ZNF404: variants seen among roughly 807,000 people sequenced by gnomAD.
ZNF404 encodes zinc finger protein 404.
ZNF404 carries 7 observed loss-of-function variants against 7.3 expected under a neutral mutation model. That is an observed-to-expected ratio of 0.95 (90% CI 0.54 to 1.79). The LOEUF (loss-of-function observed/expected upper bound fraction) is 1.79. Ranked by LOEUF, ZNF404 falls within the 40% of genes most tolerant of loss-of-function variation. The pLI, the probability that ZNF404 is intolerant of heterozygous loss-of-function variation, is 0.00. For missense variants in ZNF404, 560 were observed against 661.5 expected (o/e 0.85, Z 1.68); for synonymous variants, 191 against 209.9 (o/e 0.91, Z 0.78).
At chr19:43,879,098 T>C (rs1411508108) in intron 2 of ZNF404, among the ~76,000 whole-genome samples, 2 of 151,868 alleles carry the variant, frequency 1.3e-5, no homozygotes, top group African/African-American at 4.8e-5. Context: ...ATAAAAGAAT[T>C]AAAAAATTAA....
At position 43,872,961 on chromosome 19, in the gene ZNF404, T is replaced by C; in HGVS notation, c.1253A>G (p.Lys418Arg). ...LKPYECKQCGKAFSRVGDLKT... is the reference protein window; with the variant it reads ...LKPYECKQCGRAFSRVGDLKT... Reference sequence around the variant, plus strand: ...AAGGTCTCCAACACGACTGAAGGCTTTCCCACATTGCTTACATTCATATGG... The same window carrying C: ...AAGGTCTCCAACACGACTGAAGGCTCTCCCACATTGCTTACATTCATATGG... The change falls in exon 3 of 3, where the codon AAA becomes AGA. Residue 418 changes from lysine (K) to arginine (R), a missense_variant. Coordinates refer to ENST00000587539, the MANE Select transcript of ZNF404 (RefSeq NM_001033719.3). This position sits in a 1 kb window ranked among gnomAD's most constrained non-coding sequence, Gnocchi z 4.4. 6.2e-7 allele frequency: 1 copy of C among 1,606,200 alleles called. No homozygotes were observed. The highest frequency in any genetic ancestry group is 1.7e-5 in the Admixed American group (1 of 58,548).
chr19:43,877,558 TAC>T (rs1174735370), intron 2 of ZNF404, among the ~76,000 whole-genome samples: 1 of 152,016 alleles, frequency 6.6e-6, no homozygotes, highest in Non-Finnish European at 1.5e-5. Context: ...TTTCCCCTTT[TAC>T]TTTATTTTTA....
At chr19:43,878,032 G>T (rs200319768) in intron 2 of ZNF404, among the ~76,000 whole-genome samples, 21 of 122,836 alleles carry the variant, frequency 1.7e-4, no homozygotes, top group Admixed American at 1.8e-4. Context: ...GAATAATGCC[G>T]CAATAAACAT....
Position 43,880,072 on chromosome 19 carries a change from G to C in ZNF404, c.74C>G (p.Ser25Trp), listed in dbSNP as rs192710212. The C allele has an allele frequency of 3.1e-6, 5 of 1,613,502 alleles. No individual in the cohort carries two copies. Among genetic ancestry groups the C allele is most frequent in the East Asian group, 2.2e-5 (1 of 44,854 alleles). ...ATCTCTGTACAAATCCCTCTGATCC[G>C]AGTTTAAATATTCCCACTCCTCCTG... ...FSQEEWEYLN[S>W]DQRDLYRDVM... The change falls in exon 2 of 3, where the codon TCG becomes TGG. Residue 25 changes from serine to tryptophan, a missense_variant. Ser to Trp is a radical substitution (Grantham distance 177, BLOSUM62 -3). Transcript: ENST00000587539.
intron 1 of ZNF404, among the ~76,000 whole-genome samples, chr19:43,880,987 C>A (rs1322513300): frequency 2.6e-5 from 4 of 152,152 alleles, no homozygotes; most frequent in Non-Finnish European, 4.4e-5. Context: ...AAAAGAAAAA[C>A]CGTATGAACA....
chr19:43,874,933 A>G (rs2146617893), intron 2 of ZNF404, among the ~76,000 whole-genome samples: 1 of 152,306 alleles, frequency 6.6e-6, no homozygotes, highest in South Asian at 2.1e-4. Context: ...TTAAAAATGT[A>G]AACTGGATGA....
intron 2 of ZNF404, among the ~76,000 whole-genome samples, chr19:43,878,010 C>T (rs1337173854): frequency 4.1e-5 from 5 of 122,592 alleles, no homozygotes. Context: ...GGTTCCAAGT[C>T]TTTGCTATTG....
chr19:43,882,712 G>A (rs1466459172), intron 1 of ZNF404, among the ~76,000 whole-genome samples: 7 of 150,476 alleles, frequency 4.7e-5, no homozygotes, highest in Non-Finnish European at 7.4e-5. Flanking sequence ...GATCACTTGA[G>A]CCCAGGAGTT....
chr19:43,872,384 T>G lies in ZNF404; in HGVS notation c.*171A>C. 4.0e-6 allele frequency: 2 copies of G among 505,310 alleles called. No individual in the cohort carries two copies. The highest frequency in any genetic ancestry group is 6.6e-6 in the Non-Finnish European group (2 of 301,584). The allele number at this position is 505,310 out of a possible 1,614,324, so 31.3% of individuals were successfully genotyped here. ...AGGGTCTTCCTTCTATAAGATTTAT[T>G]TTTAGTAATTCTAACAATTATCATA... On this transcript the variant is annotated 3_prime_UTR_variant, in exon 3 of 3. Transcript: ENST00000587539. The surrounding 1 kb of genome is among the most constrained non-coding windows in gnomAD (Gnocchi z 4.4).
chr19:43,880,793 T>A (rs1971888956), intron 1 of ZNF404, among the ~76,000 whole-genome samples: 1 of 152,134 alleles, frequency 6.6e-6, no homozygotes, highest in African/African-American at 2.4e-5. Context: ...TGGATTCCAC[T>A]GAGAACAAGA....
intron 2 of ZNF404, among the ~76,000 whole-genome samples, chr19:43,877,686 A>C: frequency 2.1e-5 from 3 of 141,300 alleles, no homozygotes; most frequent in African/African-American, 7.9e-5. Flanking sequence ...GCACCCACTA[A>C]CTCGTCATCT....
rs773302451 is a variant in ZNF404 at position 43,873,189 on chromosome 19, A to G, written c.1025T>C (p.Leu342Pro). The G allele has an allele frequency of 6.2e-7, 1 of 1,612,706 alleles. No individual in the cohort carries two copies. The highest frequency in any genetic ancestry group is 2.2e-5 in the East Asian group (1 of 44,856). Residue 342 changes from leucine to proline, a missense_variant, in exon 3 of 3, where the codon CTT becomes CCT. Coordinates refer to ENST00000587539, the MANE Select transcript of ZNF404 (RefSeq NM_001033719.3). ...ACTATGAATTCTCTTATGTTTAAGA[A>G]GGCTTGAGCCCTTACCAAAAGCCTT... is the stretch of plus-strand genomic sequence containing the variant. ...CGKAFGKGSSLLKHKRIHSSE... is the reference protein window; with the variant it reads ...CGKAFGKGSSPLKHKRIHSSE...
chr19:43,880,089 C>A lies in ZNF404; in HGVS notation c.57G>T (p.Glu19Asp). 1 of 1,613,694 alleles carries A rather than the reference C, an allele frequency of 6.2e-7. No individual in the cohort carries two copies. Among genetic ancestry groups the A allele is most frequent in the South Asian group, 1.1e-5 (1 of 91,056 alleles). Residue 19 changes from glutamate (E) to aspartate (D), a missense_variant, in exon 2 of 3, where the codon GAG becomes GAT. Glu to Asp is a conservative substitution (Grantham distance 45, BLOSUM62 2). Transcript: ENST00000587539. ...SDVAIDFSQE[E>D]WEYLNSDQRD... ...TCTGATCCGAGTTTAAATATTCCCA[C>A]TCCTCCTGAGAGAAGTCTATGGCAA... is the stretch of plus-strand genomic sequence containing the variant.
At position 43,877,308 on chromosome 19, in the gene ZNF404, A is replaced by AT. The variant is rs1202384968; in HGVS notation, c.136+2701dup. Among the ~76,000 whole-genome samples the AT allele has an allele frequency of 7.2e-5, 11 of 152,156 alleles. No homozygotes were observed. The East Asian group carries it at 1.9e-3, about 27-fold the overall frequency. ...AAAAAATAGAAAAAAAATTTAAAATATTTTTCCCCACAAACAGCTGGTCAC... is the reference window on the plus strand; with the variant it reads ...AAAAAATAGAAAAAAAATTTAAAATATTTTTTCCCCACAAACAGCTGGTCAC... On this transcript the variant is annotated intron_variant, in intron 2 of 2. Transcript: ENST00000587539.
At chr19:43,876,432 T>G (rs1250118056) in intron 2 of ZNF404, among the ~76,000 whole-genome samples, 5 of 152,002 alleles carry the variant, frequency 3.3e-5, no homozygotes, top group African/African-American at 9.7e-5. Context: ...AATTAACACA[T>G]ACAAACCATT....
At chr19:43,878,310 G>C (rs1297688387) in intron 2 of ZNF404, among the ~76,000 whole-genome samples, 2 of 151,406 alleles carry the variant, frequency 1.3e-5, no homozygotes, top group African/African-American at 2.4e-5. Flanking sequence ...TTGTGGTTTT[G>C]ATTTGCATTT....
At chr19:43,878,892 C>CT (rs1971873052) in intron 2 of ZNF404, among the ~76,000 whole-genome samples, 1 of 152,178 alleles carries the variant, frequency 6.6e-6, no homozygotes. Flanking sequence ...TTCTATCAGA[C>CT]TAACAGAGGA....
chr19:43,874,300 A>C (rs931530170), intron 2 of ZNF404, among the ~76,000 whole-genome samples: 3 of 152,124 alleles, frequency 2.0e-5, no homozygotes, highest in Admixed American at 6.5e-5. Context: ...AGGCAAAGAC[A>C]AAGTCACTAG....
chr19:43,880,132 G>A lies in ZNF404; in HGVS notation c.14C>T (p.Pro5Leu). The stretch of plus-strand genomic sequence containing the variant: ...TATGGCAACATCGCTGAATGTCAAT[G>A]GCACCTGAAATGACAAACCTGTGTA... MARV[P>L]LTFSDVAIDF... Residue 5 changes from proline to leucine, a missense_variant, in exon 2 of 3, where the codon CCA becomes CTA. Coordinates refer to ENST00000587539, the MANE Select transcript of ZNF404 (RefSeq NM_001033719.3). 1 of 1,608,956 alleles carries A rather than the reference G, an allele frequency of 6.2e-7. No individual in the cohort carries two copies. Among genetic ancestry groups the A allele is most frequent in the Non-Finnish European group, 8.5e-7 (1 of 1,177,754 alleles).
Sources: allele counts gnomAD v4.1 joint callset (sites outside exome capture counted in the v4.1 genomes callset), GRCh38; gene constraint gnomAD v4.1.1; non-coding constraint Gnocchi (gnomAD v3.1); transcripts MANE v1.5; gene names NCBI Gene and HGNC (gene_info 2026-07-23, HGNC 2026-07-21).